EHHADH: variants seen among roughly 807,000 people sequenced by gnomAD.
EHHADH encodes the protein peroxisomal bifunctional enzyme.
EHHADH carries 48 observed loss-of-function variants against 64.4 expected under a neutral mutation model. The observed-to-expected ratio is 0.75, with a 90% CI of 0.59 to 0.95. The LOEUF (loss-of-function observed/expected upper bound fraction) is 0.95. Ranked by LOEUF, EHHADH falls within the 40% of genes least tolerant of loss-of-function variation. EHHADH has a pLI of 0.00. For synonymous variants in EHHADH, 308 were observed against 326.7 expected, an observed-to-expected ratio of 0.94 and a Z score of 0.62; for missense variants, 854 against 876.6, an observed-to-expected ratio of 0.97 and a Z score of 0.33.
intron 5 of EHHADH, among the ~76,000 whole-genome samples, chr3:185,217,768 T>A (rs1718726027): frequency 6.6e-6 from 1 of 150,812 alleles, no homozygotes; most frequent in Admixed American, 6.6e-5. Flanking sequence ...GGATTTTCTT[T>A]TTTTTTTTTT....
At chr3:185,228,671 T>G (rs1229890033) in intron 4 of EHHADH, among the ~76,000 whole-genome samples, 4 of 151,556 alleles carry the variant, frequency 2.6e-5, no homozygotes, top group Non-Finnish European at 1.5e-5. Flanking sequence ...AGAGCGAAAC[T>G]CCGTCTCAAA....
At position 185,213,166 on chromosome 3, in the gene EHHADH, G is replaced by A. The variant is rs767836789; in HGVS notation, c.568+4970C>T. The stretch of plus-strand genomic sequence containing the variant: ...AAAAAAGACTATAGGTAGTGTTTGC[G>A]TGTCAGGTGTAAAAAAAATCAAAAC... On this transcript the variant is annotated intron_variant, in intron 5 of 6. Coordinates refer to ENST00000231887, the MANE Select transcript of EHHADH (RefSeq NM_001966.4). Among the ~76,000 whole-genome samples, 152 of 123,502 alleles carry A rather than the reference G, an allele frequency of 1.2e-3. 1 individual carries two copies. Among genetic ancestry groups the A allele is most frequent in the East Asian group, 5.0e-4 (2 of 4,014 alleles). 81.0% of individuals were successfully genotyped at this position (123,502 alleles called of 152,430 possible).
At chr3:185,210,809 T>C (rs1718521695) in intron 5 of EHHADH, among the ~76,000 whole-genome samples, 1 of 151,218 alleles carries the variant, frequency 6.6e-6, no homozygotes, top group Admixed American at 6.6e-5. Flanking sequence ...AGGCCAGAGA[T>C]TGAAAAGAAA....
chr3:185,218,043 G>C, intron 5 of EHHADH, 93 bp downstream of exon 5: 1 of 837,328 alleles, frequency 1.2e-6, no homozygotes, highest in Non-Finnish European at 1.8e-6. Context: ...GGGATTACAG[G>C]CGTGAGCCAC....
At chr3:185,231,883 A>G (rs1719144207) in intron 3 of EHHADH, among the ~76,000 whole-genome samples, 2 of 152,196 alleles carry the variant, frequency 1.3e-5, no homozygotes, top group African/African-American at 4.8e-5. Context: ...TGGTTGCACA[A>G]CTCTGAGAAT....
intron 4 of EHHADH, among the ~76,000 whole-genome samples, chr3:185,225,133 G>A (rs954073202): frequency 1.3e-5 from 2 of 152,152 alleles, no homozygotes; most frequent in Non-Finnish European, 2.9e-5. Flanking sequence ...GCTTAGAGGA[G>A]TTCAGAAGAC....
intron 6 of EHHADH, among the ~76,000 whole-genome samples, chr3:185,198,328 C>T (rs1718127802): frequency 6.6e-6 from 1 of 152,038 alleles, no homozygotes; most frequent in Non-Finnish European, 1.5e-5. Flanking sequence ...AAGCGATTCT[C>T]GTGCCTCAGC....
Position 185,215,119 on chromosome 3 carries a change from T to A in EHHADH, c.568+3017A>T, listed in dbSNP as rs190573236. Among the ~76,000 whole-genome samples, 563 of 152,268 alleles carry A rather than the reference T, an allele frequency of 3.7e-3. 2 individuals carry two copies. The highest frequency in any genetic ancestry group is 0.013 in the African/African-American group (542 of 41,566). On this transcript the variant is annotated intron_variant, in intron 5 of 6. Transcript: ENST00000231887. ...GTGTCTTTTAAATCACTGATTTTTTTATTAATAAATTTTAAAAAGCATTTA... is the reference window on the plus strand; with the variant it reads ...GTGTCTTTTAAATCACTGATTTTTTAATTAATAAATTTTAAAAAGCATTTA...
At chr3:185,236,516 T>A (rs973174297) in intron 2 of EHHADH, among the ~76,000 whole-genome samples, 2 of 144,412 alleles carry the variant, frequency 1.4e-5, no homozygotes, top group African/African-American at 4.9e-5. Flanking sequence ...TGTTTTCATA[T>A]AACATTATAC....
chr3:185,198,077 G>A (rs1024664750), intron 6 of EHHADH, among the ~76,000 whole-genome samples: 2 of 152,018 alleles, frequency 1.3e-5, no homozygotes, highest in African/African-American at 2.4e-5. Context: ...GATTACAGGC[G>A]TGAGCCACTG....
chr3:185,204,541 G>T lies in EHHADH; in HGVS notation c.785C>A (p.Ser262Ter), dbSNP rs759769910. 3.9e-5 allele frequency: 63 copies of T among 1,614,070 alleles called. No homozygotes were observed. The highest frequency in any genetic ancestry group is 5.2e-5 in the Non-Finnish European group (61 of 1,180,022). The change falls in exon 6 of 7, where the codon TCA (serine) becomes TAA (stop). Residue 262 changes from serine (S) to a stop codon, truncating the protein, a stop_gained. Coordinates refer to ENST00000231887, the MANE Select transcript of EHHADH (RefSeq NM_001966.4). LOFTEE classifies it high-confidence loss of function. ...ATATTGCAGGGCTCTAGCCTGCCCTGATTGCAAAAGATATAGAAACAGCTC... is the reference window on the plus strand; with the variant it reads ...ATATTGCAGGGCTCTAGCCTGCCCTTATTGCAAAAGATATAGAAACAGCTC... ...EEELFLYLLQ[S>*]GQARALQYAF...
chr3:185,228,946 G>A (rs1369208492), intron 4 of EHHADH, among the ~76,000 whole-genome samples: 2 of 151,876 alleles, frequency 1.3e-5, no homozygotes, highest in Admixed American at 6.6e-5. Context: ...TGGGATTACA[G>A]GTGCCTGCCA....
rs1553775631 is a variant in EHHADH, at chr3:185,191,089, A to AC, written c.*1136dup. On this transcript the variant is annotated 3_prime_UTR_variant, in exon 7 of 7. Transcript: ENST00000231887. ...ATGAATCCTGTACTCCCCATTCATC[A>AC]CCCCCAATTCTAGCCTTAGGCAACC... 2 of 152,154 alleles carry AC rather than the reference A, an allele frequency of 1.3e-5. No homozygotes were observed. The highest frequency in any genetic ancestry group is 2.9e-5 in the Non-Finnish European group (2 of 68,046). The allele number at this position is 152,154 out of a possible 1,614,324, so 9.4% of individuals were successfully genotyped here.
intron 3 of EHHADH, among the ~76,000 whole-genome samples, chr3:185,229,831 A>G (rs1192143061): frequency 6.6e-6 from 1 of 152,222 alleles, no homozygotes; most frequent in African/African-American, 2.4e-5. Flanking sequence ...CTCTGGAAAC[A>G]ACTTTCTGGA....
intron 4 of EHHADH, among the ~76,000 whole-genome samples, chr3:185,227,733 G>A (rs1268766682): frequency 2.0e-5 from 3 of 152,180 alleles, no homozygotes; most frequent in Admixed American, 1.3e-4. Context: ...GGCTGAGGCA[G>A]GAGAATCGCT....
At chr3:185,235,067 C>T (rs1719249590) in intron 3 of EHHADH, among the ~76,000 whole-genome samples, 1 of 152,052 alleles carries the variant, frequency 6.6e-6, no homozygotes, top group East Asian at 1.9e-4. Flanking sequence ...GTAGTCCCAG[C>T]TTCTTGGGAG....
chr3:185,232,969 A>T (rs1333921486), intron 3 of EHHADH, among the ~76,000 whole-genome samples: 1 of 152,244 alleles, frequency 6.6e-6, no homozygotes, highest in Non-Finnish European at 1.5e-5. Flanking sequence ...TTTGCCCTAT[A>T]AGAAATACTT....
intron 6 of EHHADH, 69 bp from the exon 7 acceptor site, chr3:185,193,556 G>A: frequency 1.3e-6 from 2 of 1,531,062 alleles, no homozygotes; most frequent in African/African-American, 1.4e-5. Context: ...TTATTCACTG[G>A]ATGGAAGGCT....
At chr3:185,201,064 A>G (rs1442321711) in intron 6 of EHHADH, among the ~76,000 whole-genome samples, 1 of 152,194 alleles carries the variant, frequency 6.6e-6, no homozygotes, top group Admixed American at 6.5e-5. Flanking sequence ...CCCATTAAGA[A>G]AGATACAAGG....
Sources: gnomAD v4.1 joint callset for allele counts (sites outside exome capture counted in the v4.1 genomes callset) on GRCh38, gnomAD v4.1.1 for gene constraint, MANE v1.5 for transcripts, NCBI Gene and HGNC (gene_info 2026-07-23, HGNC 2026-07-21) for gene names.